The following TASP1 variants were observed in gnomAD, a reference collection of about 807,000 sequenced individuals.
TASP1 encodes taspase 1, also known as threonine aspartase 1.
TASP1 carries 16 observed loss-of-function variants against 56.6 expected under a neutral mutation model. The ratio of observed to expected loss-of-function variants is 0.28; its 90% confidence interval spans 0.19 to 0.43. TASP1 has a LOEUF of 0.43. Ranked by LOEUF, TASP1 falls within the 20% of genes least tolerant of loss-of-function variation. The pLI, the probability that TASP1 is intolerant of heterozygous loss-of-function variation, is 1.00. For synonymous variants in TASP1, 179 were observed against 184.2 expected, an observed-to-expected ratio of 0.97 and a Z score of 0.23; for missense variants, 393 against 511.6, an observed-to-expected ratio of 0.77 and a Z score of 2.24.
chr20:13,125,406 T>C, the TASP1 span, among the ~76,000 whole-genome samples: 2 of 152,226 alleles, frequency 1.3e-5, no homozygotes, highest in Non-Finnish European at 2.9e-5. Context: ...TCTGGTTTAA[T>C]TTCCCACAAG....
chr20:13,216,030 G>A, the TASP1 span, among the ~76,000 whole-genome samples: 21 of 152,308 alleles, frequency 1.4e-4, no homozygotes, highest in East Asian at 3.9e-3. Flanking sequence ...TTACCTCTAA[G>A]GCTCCTTGGA....
chr20:13,330,709 A>G, the TASP1 span, among the ~76,000 whole-genome samples: 1 of 152,202 alleles, frequency 6.6e-6, no homozygotes, highest in Non-Finnish European at 1.5e-5. Flanking sequence ...AGAACTATTC[A>G]GGTATCTATT....
chr20:13,483,977 C>A (rs557124320), intron 10 of TASP1, among the ~76,000 whole-genome samples: 116 of 152,044 alleles, frequency 7.6e-4, no homozygotes, highest in Non-Finnish European at 1.4e-3. Context: ...AAACAAACAA[C>A]CCCATCAAAA....
the TASP1 span, among the ~76,000 whole-genome samples, chr20:13,243,583 G>A: frequency 1.2e-4 from 19 of 152,036 alleles, no homozygotes; most frequent in African/African-American, 4.6e-4. Context: ...TATTATAAAA[G>A]CAGTAAAACG....
At chr20:13,394,238 C>G (rs2041417970) in intron 13 of TASP1, among the ~76,000 whole-genome samples, 1 of 144,124 alleles carries the variant, frequency 6.9e-6, no homozygotes, top group Admixed American at 6.9e-5. Flanking sequence ...GAGCCAACCT[C>G]TCACTGCACT....
the TASP1 span, among the ~76,000 whole-genome samples, chr20:13,273,981 G>A: frequency 3.3e-3 from 504 of 152,138 alleles, no homozygotes; most frequent in African/African-American, 0.011. Flanking sequence ...TGTTAGTATT[G>A]GTCACTCAGA....
intron 10 of TASP1, among the ~76,000 whole-genome samples, chr20:13,485,039 T>C (rs1448863437): frequency 3.3e-5 from 5 of 152,084 alleles, no homozygotes; most frequent in African/African-American, 1.2e-4. Flanking sequence ...AAGTGATGGG[T>C]TGATGGGTGG....
chr20:13,579,247 T>C (rs996050908), intron 6 of TASP1, among the ~76,000 whole-genome samples: 7 of 152,202 alleles, frequency 4.6e-5, no homozygotes, highest in Admixed American at 1.3e-4. Flanking sequence ...TAAAAAGGTA[T>C]GGCTAGAAGG....
intron 12 of TASP1, 90 bp from the exon 13 acceptor site, chr20:13,417,611 T>C (rs2042301245): frequency 1.5e-6 from 2 of 1,368,544 alleles, no homozygotes; most frequent in Non-Finnish European, 2.0e-6. Flanking sequence ...AAGATAGCTT[T>C]ATATTTAACA....
chr20:13,628,836 G>A (rs990297002), intron 2 of TASP1, among the ~76,000 whole-genome samples: 9 of 152,308 alleles, frequency 5.9e-5, no homozygotes, highest in African/African-American at 1.4e-4. Context: ...GAGCAGCACT[G>A]TTCTGCAACC....
chr20:13,505,111 C>A (rs182919194), intron 10 of TASP1, among the ~76,000 whole-genome samples: 1 of 151,894 alleles, frequency 6.6e-6, no homozygotes, highest in African/African-American at 2.4e-5. Context: ...CAAAAGACAG[C>A]GGGGGAGCTA....
the TASP1 span, among the ~76,000 whole-genome samples, chr20:13,109,793 G>A: frequency 9.2e-5 from 14 of 152,170 alleles, no homozygotes; most frequent in African/African-American, 3.4e-4. Flanking sequence ...ACAAAGCTTA[G>A]ACCTAAGAGA....
intron 11 of TASP1, among the ~76,000 whole-genome samples, chr20:13,472,463 CA>C (rs1335056484): frequency 6.6e-6 from 1 of 150,976 alleles, no homozygotes; most frequent in Non-Finnish European, 1.5e-5. Flanking sequence ...GCAATCGCAA[CA>C]AAAGCCAAAA....
At chr20:13,205,915 C>T in the TASP1 span, among the ~76,000 whole-genome samples, 3 of 152,248 alleles carry the variant, frequency 2.0e-5, no homozygotes, top group African/African-American at 7.2e-5. Context: ...CAAGTTACAC[C>T]CACATGGGAA....
chr20:13,286,858 C>G, the TASP1 span, among the ~76,000 whole-genome samples: 3 of 152,236 alleles, frequency 2.0e-5, no homozygotes, highest in African/African-American at 7.2e-5. Context: ...CTGTTATGAA[C>G]AGAGGGTACT....
At chr20:13,376,267 G>A in the TASP1 span, among the ~76,000 whole-genome samples, 1 of 152,130 alleles carries the variant, frequency 6.6e-6, no homozygotes, top group Admixed American at 6.5e-5. Context: ...TGTAAGGAAG[G>A]GGTCCAGTTT....
At chr20:13,194,577 GTGTGTGTGTA>G in the TASP1 span, among the ~76,000 whole-genome samples, 55 of 140,710 alleles carry the variant, frequency 3.9e-4, no homozygotes, top group African/African-American at 1.6e-3. Flanking sequence ...GTGTGTGTGT[GTGTGTGTGTA>G]TGTGTGTTTC....
chr20:13,244,522 T>C, the TASP1 span: 1 of 152,114 alleles, frequency 6.6e-6, no homozygotes, highest in Non-Finnish European at 1.5e-5. Flanking sequence ...AGATGACTAG[T>C]GAAAAGAATT....
chr20:13,437,642 A>G (rs1376387061), intron 11 of TASP1, among the ~76,000 whole-genome samples: 1 of 152,220 alleles, frequency 6.6e-6, no homozygotes, highest in African/African-American at 2.4e-5. Flanking sequence ...CCTTAAGCTG[A>G]TAGACAATTT....
Sources: allele counts gnomAD v4.1 joint callset (sites outside exome capture counted in the v4.1 genomes callset), GRCh38; gene constraint gnomAD v4.1.1; transcripts MANE v1.5; gene names NCBI Gene and HGNC (gene_info 2026-07-23, HGNC 2026-07-21).